AGBL4: variants seen among roughly 807,000 people sequenced by gnomAD.
The protein encoded by AGBL4 is AGBL carboxypeptidase 4, also known as cytosolic carboxypeptidase 6.
AGBL4 carries 58 observed loss-of-function variants against 66.4 expected under a neutral mutation model. The observed-to-expected ratio is 0.87, with a 90% CI of 0.71 to 1.09. The LOEUF is 1.09. Ranked by LOEUF, AGBL4 falls within the 50% of genes least tolerant of loss-of-function variation. AGBL4 has a pLI of 0.00. For synonymous variants in AGBL4, 234 were observed against 222.9 expected (o/e 1.05, Z -0.44); for missense variants, 579 against 631.0 (o/e 0.92, Z 0.88).
At chr1:49,189,855 C>T (rs1192555482) in intron 4 of AGBL4, among the ~76,000 whole-genome samples, 1 of 152,096 alleles carries the variant, frequency 6.6e-6, no homozygotes, top group African/African-American at 2.4e-5. Flanking sequence ...AGGCTCCAGG[C>T]CCAAGGTCAC....
chr1:49,806,987 G>A (rs944931943), intron 2 of AGBL4, among the ~76,000 whole-genome samples: 3 of 152,162 alleles, frequency 2.0e-5, no homozygotes, highest in African/African-American at 7.2e-5. Context: ...CCAGTTCTCA[G>A]ACTACACAAG....
chr1:49,481,020 T>G (rs1206840341), intron 3 of AGBL4, among the ~76,000 whole-genome samples: 1 of 152,126 alleles, frequency 6.6e-6, no homozygotes, highest in Non-Finnish European at 1.5e-5. Flanking sequence ...ACCAGTACCA[T>G]GCTGTCTTGG....
chr1:49,860,496 G>C (rs1246956115), intron 1 of AGBL4, among the ~76,000 whole-genome samples: 2 of 152,220 alleles, frequency 1.3e-5, no homozygotes, highest in African/African-American at 4.8e-5. Context: ...CCAGAAGTTT[G>C]AGACCAGCCC....
chr1:49,530,282 A>AAAAAAAAAAAAAAAAAAATT (rs1558025489), intron 3 of AGBL4, among the ~76,000 whole-genome samples: 1 of 145,416 alleles, frequency 6.9e-6, no homozygotes, highest in Non-Finnish European at 1.5e-5. Context: ...ACAAAAAAAA[A>AAAAAAAAAAAAAAAAAAATT]CTCTATGAGT....
intron 2 of AGBL4, among the ~76,000 whole-genome samples, chr1:49,722,988 C>T (rs555753108): frequency 6.6e-6 from 1 of 152,108 alleles, no homozygotes; most frequent in Non-Finnish European, 1.5e-5. Context: ...ATGAACTCTA[C>T]ACTGAGTGTC....
chr1:49,858,967 G>GACTGCACC (rs1553135346), intron 1 of AGBL4, among the ~76,000 whole-genome samples: 2 of 151,508 alleles, frequency 1.3e-5, no homozygotes, highest in Non-Finnish European at 2.9e-5. Flanking sequence ...AGCGAGCTGA[G>GACTGCACC]ACTGCACTCC....
chr1:49,447,634 G>A (rs961823989), intron 3 of AGBL4, among the ~76,000 whole-genome samples: 2 of 152,166 alleles, frequency 1.3e-5, no homozygotes, highest in African/African-American at 2.4e-5. Flanking sequence ...TACCACCCAT[G>A]CTAGTGTCAG....
chr1:49,152,750 A>G (rs1015812151), intron 4 of AGBL4, among the ~76,000 whole-genome samples: 1 of 152,232 alleles, frequency 6.6e-6, no homozygotes, highest in South Asian at 2.1e-4. Flanking sequence ...TGGGAGATGA[A>G]CAATATGCCA....
chr1:49,196,340 T>C (rs1377858462), intron 4 of AGBL4, among the ~76,000 whole-genome samples: 3 of 152,236 alleles, frequency 2.0e-5, no homozygotes, highest in Non-Finnish European at 4.4e-5. Flanking sequence ...AATGAATTTT[T>C]CATTTTCAGA....
At chr1:49,853,163 C>T (rs1262345877) in intron 1 of AGBL4, among the ~76,000 whole-genome samples, 1 of 151,792 alleles carries the variant, frequency 6.6e-6, no homozygotes, top group African/African-American at 2.4e-5. Context: ...CAGGACCAGA[C>T]ACAGAAATGA....
At chr1:48,805,807 C>T (rs1299712455) in intron 6 of AGBL4, among the ~76,000 whole-genome samples, 1 of 152,146 alleles carries the variant, frequency 6.6e-6, no homozygotes, top group Non-Finnish European at 1.5e-5. Context: ...AGCCTGTTTC[C>T]TCATCTGTGA....
intron 5 of AGBL4, among the ~76,000 whole-genome samples, chr1:48,875,067 A>G (rs953808935): frequency 6.6e-6 from 1 of 152,210 alleles, no homozygotes; most frequent in African/African-American, 2.4e-5. Flanking sequence ...TGTGCCAGGT[A>G]TCTTGCTGGG....
intron 6 of AGBL4, among the ~76,000 whole-genome samples, chr1:48,835,619 C>G (rs1646653892): frequency 6.6e-6 from 1 of 152,088 alleles, no homozygotes; most frequent in Non-Finnish European, 1.5e-5. Context: ...AAAATGGAAG[C>G]ATTCAGGGGT....
At chr1:48,954,209 C>T (rs74076743) in intron 5 of AGBL4, among the ~76,000 whole-genome samples, 3 of 152,152 alleles carry the variant, frequency 2.0e-5, no homozygotes, top group East Asian at 1.9e-4. Flanking sequence ...ACTTGAAAAC[C>T]GGTCAAGAAC....
chr1:49,709,382 C>G (rs1229006061), intron 2 of AGBL4, among the ~76,000 whole-genome samples: 1 of 152,194 alleles, frequency 6.6e-6, no homozygotes, highest in Non-Finnish European at 1.5e-5. Flanking sequence ...CTACACAAGC[C>G]TCAGCATGGT....
chr1:49,000,331 T>A (rs369358617), intron 5 of AGBL4, among the ~76,000 whole-genome samples: 2 of 152,144 alleles, frequency 1.3e-5, no homozygotes, highest in African/African-American at 4.8e-5. Context: ...TGATCTCCCT[T>A]ATGTATATGA....
intron 5 of AGBL4, among the ~76,000 whole-genome samples, chr1:48,892,823 C>T (rs1359095851): frequency 6.6e-6 from 1 of 152,114 alleles, no homozygotes; most frequent in East Asian, 1.9e-4. Flanking sequence ...TCTAACCATT[C>T]CCCCCCTTTT....
intron 3 of AGBL4, among the ~76,000 whole-genome samples, chr1:49,403,087 A>C (rs1396947489): frequency 6.6e-6 from 1 of 152,170 alleles, no homozygotes; most frequent in East Asian, 1.9e-4. Flanking sequence ...GGAATGTTGA[A>C]GTCTCCAGCT....
chr1:48,582,547 G>A (rs1644755010), intron 11 of AGBL4, among the ~76,000 whole-genome samples: 1 of 152,150 alleles, frequency 6.6e-6, no homozygotes, highest in Non-Finnish European at 1.5e-5. Context: ...AAGCCAGATT[G>A]TCAAGTTAAA....
Sources: gnomAD v4.1 joint callset for allele counts (sites outside exome capture counted in the v4.1 genomes callset) on GRCh38, gnomAD v4.1.1 for gene constraint, MANE v1.5 for transcripts, NCBI Gene and HGNC (gene_info 2026-07-23, HGNC 2026-07-21) for gene names.